Variants in NCOA4 observed in about 807,000 individuals in gnomAD.
NCOA4 encodes the protein 70 kDa AR-activator.
Under a neutral mutation model 69.5 loss-of-function variants are expected in NCOA4, and 31 were observed. The ratio of observed to expected loss-of-function variants is 0.45; its 90% CI spans 0.34 to 0.60. The LOEUF (loss-of-function observed/expected upper bound fraction) is 0.60. NCOA4 is among the 20% of genes least tolerant of loss of function. NCOA4 has a pLI of 0.02. For synonymous variants in NCOA4, 228 were observed against 252.4 expected (o/e 0.90, Z 0.92); for missense variants, 600 against 719.2 (o/e 0.83, Z 1.90).
At chr10:46,012,065 AGAAAG>A (rs1839245773) in intron 7 of NCOA4, among the ~76,000 whole-genome samples, 96 of 98,216 alleles carry the variant, frequency 9.8e-4, no homozygotes, top group South Asian at 5.6e-3. Flanking sequence ...GGTCTCAAAA[AGAAAG>A]AAAAAAAAAA....
chr10:46,029,326 T>C (rs1840332073), intron 1 of NCOA4, among the ~76,000 whole-genome samples: 1 of 152,208 alleles, frequency 6.6e-6, no homozygotes, highest in Non-Finnish European at 1.5e-5. Context: ...ACATACATAA[T>C]CTCATTTACT....
intron 7 of NCOA4, among the ~76,000 whole-genome samples, chr10:46,011,732 G>C (rs1554921690): frequency 2.6e-5 from 4 of 151,984 alleles, no homozygotes; most frequent in African/African-American, 9.7e-5. Context: ...GATATGATCA[G>C]GCAAGTCATC....
At chr10:46,014,803 T>C (rs1247570147) in intron 4 of NCOA4, 51 bp downstream of exon 4, 5 of 1,447,628 alleles carry the variant, frequency 3.5e-6, no homozygotes, top group Non-Finnish European at 4.8e-6. Flanking sequence ...TTTCTTTTAG[T>C]ATACCAAAGT....
At chr10:46,016,463 G>T in intron 2 of NCOA4, 77 bp downstream of exon 2, 1 of 1,307,486 alleles carries the variant, frequency 7.6e-7, no homozygotes, top group East Asian at 2.7e-5. Context: ...GGCACGGAGA[G>T]ACCAAGTCCT....
At position 46,013,043 on chromosome 10, in the gene NCOA4, A is replaced by G. The variant is rs1554922129; in HGVS notation, c.571-17T>C. 3.1e-6 allele frequency: 5 copies of G among 1,613,212 alleles called. No homozygotes were observed. The highest frequency in any genetic ancestry group is 4.2e-6 in the Non-Finnish European group (5 of 1,179,372). On this transcript the variant is annotated splice_polypyrimidine_tract_variant and intron_variant, in intron 6 of 9. Transcript: ENST00000581486. The stretch of plus-strand genomic sequence containing the variant: ...TGCTGACTTCTGTTAATCACAAAAC[A>G]AGGAATGTCAAATGCAGTAGAAAGT...
Position 46,010,591 on chromosome 10 carries a change from C to T in NCOA4, c.1330G>A (p.Val444Met). 3 of 1,614,206 alleles carry T rather than the reference C, an allele frequency of 1.9e-6. No individual in the cohort carries two copies. The highest frequency in any genetic ancestry group is 2.5e-6 in the Non-Finnish European group (3 of 1,180,032). ...TTCTCAGGCTCAGGTTTGGGTTCCA[C>T]AGGCATCCCATTTTTATCCTTTCCT... ...KEGKDKNGMP[V>M]EPKPEPEKHK... The change falls in exon 8 of 10, where the codon GTG becomes ATG. Residue 444 changes from valine to methionine, a missense_variant. Coordinates refer to ENST00000581486, the MANE Select transcript of NCOA4 (RefSeq NM_001145263.2).
chr10:46,029,699 C>G (rs1554926166), intron 1 of NCOA4, among the ~76,000 whole-genome samples: 1 of 152,210 alleles, frequency 6.6e-6, no homozygotes, highest in South Asian at 2.1e-4. Context: ...AAATTCAGCA[C>G]TCTGACTTCT....
chr10:46,026,505 A>G (rs1478832786), intron 1 of NCOA4, among the ~76,000 whole-genome samples: 1 of 152,206 alleles, frequency 6.6e-6, no homozygotes, highest in Non-Finnish European at 1.5e-5. Flanking sequence ...TTGCCATAAT[A>G]GAGTCAAGGA....
At chr10:46,012,391 A>G (rs1554921914) in intron 7 of NCOA4, among the ~76,000 whole-genome samples, 1 of 152,158 alleles carries the variant, frequency 6.6e-6, no homozygotes, top group Non-Finnish European at 1.5e-5. Context: ...ATGCACACAA[A>G]TAATTGGCTC....
chr10:46,027,265 T>C (rs1393520600), intron 1 of NCOA4, among the ~76,000 whole-genome samples: 1 of 102,444 alleles, frequency 9.8e-6, no homozygotes, highest in Non-Finnish European at 1.9e-5. Flanking sequence ...CAAGACTCCG[T>C]CTCAAAAAAA....
intron 1 of NCOA4, among the ~76,000 whole-genome samples, chr10:46,023,729 G>A (rs1840024013): frequency 6.6e-6 from 1 of 152,182 alleles, no homozygotes; most frequent in South Asian, 2.1e-4. Context: ...CCAACTCAAT[G>A]AGAATTATAT....
At chr10:46,009,654 A>G in intron 8 of NCOA4, 103 bp from the exon 9 acceptor site, 1 of 1,118,584 alleles carries the variant, frequency 8.9e-7, no homozygotes, top group Non-Finnish European at 1.3e-6. Context: ...AATGTTGGCC[A>G]TTCTCTGTAA....
Position 46,016,642 on chromosome 10 carries a change from A to C in NCOA4, c.39T>G (p.Asn13Lys), listed in dbSNP as rs1554923306. Residue 13 changes from asparagine (N) to lysine (K), a missense_variant, in exon 2 of 10, where the codon AAT becomes AAG. Asn to Lys is a moderately conservative substitution (Grantham distance 94, BLOSUM62 0). Coordinates refer to ENST00000581486, the MANE Select transcript of NCOA4 (RefSeq NM_001145263.2). ...TFQDQSGSSS[N>K]REPLLRCSDA... ...CACTACACCTCAAAAGGGGTTCTCTATTACTGGAGCTGCCACTCTGGTCTT... is the reference window on the plus strand; with the variant it reads ...CACTACACCTCAAAAGGGGTTCTCTCTTACTGGAGCTGCCACTCTGGTCTT... The C allele has an allele frequency of 6.5e-7, 1 of 1,536,736 alleles. No homozygotes were observed. Among genetic ancestry groups the C allele is most frequent in the South Asian group, 1.3e-5 (1 of 78,104 alleles).
chr10:46,012,125 C>T (rs1240906814), intron 7 of NCOA4, among the ~76,000 whole-genome samples: 8 of 123,464 alleles, frequency 6.5e-5, no homozygotes, highest in Non-Finnish European at 1.4e-4. Context: ...AATACTCAAC[C>T]TCCTTACTAA....
chr10:46,014,354 G>A (rs1839410233), intron 5 of NCOA4, 90 bp downstream of exon 5: 1 of 924,728 alleles, frequency 1.1e-6, no homozygotes, highest in African/African-American at 1.7e-5. Context: ...AAATTCTCAA[G>A]AAAGTCACTA....
At chr10:46,030,359 C>CCGG (rs1840394817) in intron 1 of NCOA4, among the ~76,000 whole-genome samples, 167 bp downstream of exon 1, 1 of 150,968 alleles carries the variant, frequency 6.6e-6, no homozygotes, top group Non-Finnish European at 1.5e-5. Context: ...AGGCCCGGGC[C>CCGG]CGGCGGGCAG....
chr10:46,006,535 C>G lies in NCOA4; in HGVS notation c.*57G>C, dbSNP rs1838818700. ...ACAAAGATTTGGCAAGCTGCAGTCACTCAGCTCATGATGTGTGATAATCAG... is the reference window on the plus strand; with the variant it reads ...ACAAAGATTTGGCAAGCTGCAGTCAGTCAGCTCATGATGTGTGATAATCAG... On this transcript the variant is annotated 3_prime_UTR_variant, in exon 10 of 10. Coordinates refer to ENST00000581486, the MANE Select transcript of NCOA4 (RefSeq NM_001145263.2). The G allele has an allele frequency of 6.2e-7, 1 of 1,603,842 alleles. No individual in the cohort carries two copies. The highest frequency in any genetic ancestry group is 8.5e-7 in the Non-Finnish European group (1 of 1,171,564).
Position 46,010,462 on chromosome 10 carries a change from G to A in NCOA4, c.1459C>T (p.Gln487Ter). The change falls in exon 8 of 10, where the codon CAA (glutamine) becomes TAA (stop). Residue 487 changes from glutamine to a stop codon, truncating the protein, a stop_gained. Coordinates refer to ENST00000581486, the MANE Select transcript of NCOA4 (RefSeq NM_001145263.2). LOFTEE classifies it high-confidence loss of function. ...MTPSRIADSFQVIKNSPLSEW... is the reference protein window; with the variant it reads ...MTPSRIADSF Reference sequence around the variant, plus strand: ...GACAAGGGGCTGTTCTTTATGACTTGGAAGGAATCAGCAATTCTAGAAGGA... The same window carrying A: ...GACAAGGGGCTGTTCTTTATGACTTAGAAGGAATCAGCAATTCTAGAAGGA... 6.2e-7 allele frequency: 1 copy of A among 1,614,166 alleles called. No individual in the cohort carries two copies. The highest frequency in any genetic ancestry group is 8.5e-7 in the Non-Finnish European group (1 of 1,180,032).
Position 46,012,959 on chromosome 10 carries a change from C to G in NCOA4, c.638G>C (p.Gly213Ala), listed in dbSNP as rs200320045. 6.2e-7 allele frequency: 1 copy of G among 1,614,190 alleles called. No individual in the cohort carries two copies. The highest frequency in any genetic ancestry group is 2.2e-5 in the East Asian group (1 of 44,890). The change falls in exon 7 of 10, where the codon GGT becomes GCT. Residue 213 changes from glycine to alanine, a missense_variant. Coordinates refer to ENST00000581486, the MANE Select transcript of NCOA4 (RefSeq NM_001145263.2). The part of the protein sequence containing the change: ...EWLLGSKPAS[G>A]YQAPYIPSTD... Reference sequence around the variant, plus strand: ...GCTGGGTATGTAAGGAGCTTGATAACCACTGGCAGGTTTGCTTCCAAGGAG... The same window carrying G: ...GCTGGGTATGTAAGGAGCTTGATAAGCACTGGCAGGTTTGCTTCCAAGGAG...
Sources: gnomAD v4.1 joint callset for allele counts (sites outside exome capture counted in the v4.1 genomes callset) on GRCh38, gnomAD v4.1.1 for gene constraint, MANE v1.5 for transcripts, NCBI Gene and HGNC (gene_info 2026-07-23, HGNC 2026-07-21) for gene names.